ZFPM2: variants seen among roughly 807,000 people sequenced by gnomAD.
ZFPM2 encodes zinc finger protein, FOG family member 2.
ZFPM2 carries 20 observed loss-of-function variants against 98.6 expected under a neutral mutation model. The observed-to-expected ratio is 0.20, with a 90% CI of 0.14 to 0.29. The LOEUF (loss-of-function observed/expected upper bound fraction) is 0.29, where lower values mean the gene tolerates loss of function less well. ZFPM2 is among the 10% of genes least tolerant of loss of function. ZFPM2 has a pLI of 1.00. For missense variants in ZFPM2, 1,310 were observed against 1,388.6 expected (o/e 0.94, Z 0.90); for synonymous variants, 518 against 502.7 (o/e 1.03, Z -0.41).
intron 3 of ZFPM2, among the ~76,000 whole-genome samples, chr8:105,482,990 C>G (rs1813152099): frequency 1.6e-5 from 2 of 122,342 alleles, no homozygotes; most frequent in Admixed American, 1.7e-4. Flanking sequence ...TCCCTCCCCC[C>G]ATCCTTTCCT....
intron 3 of ZFPM2, among the ~76,000 whole-genome samples, chr8:105,526,838 T>C (rs1056551239): frequency 6.6e-6 from 1 of 152,206 alleles, no homozygotes; most frequent in Non-Finnish European, 1.5e-5. Context: ...TGTAAATTCA[T>C]AGCTGGGCAT....
chr8:105,544,598 T>C (rs997216697), intron 3 of ZFPM2, among the ~76,000 whole-genome samples: 4 of 152,218 alleles, frequency 2.6e-5, no homozygotes, highest in African/African-American at 9.6e-5. Flanking sequence ...TTTGATGTTC[T>C]GAAGAAAAGG....
intron 4 of ZFPM2, 79 bp downstream of exon 4, chr8:105,561,560 T>C: frequency 1.8e-6 from 2 of 1,141,576 alleles, no homozygotes; most frequent in Non-Finnish European, 2.5e-6. Context: ...TTCTCTCTGC[T>C]TGCTTTCCAA....
At chr8:105,639,877 G>A (rs1816918559) in intron 5 of ZFPM2, among the ~76,000 whole-genome samples, 1 of 152,018 alleles carries the variant, frequency 6.6e-6, no homozygotes, top group South Asian at 2.1e-4. Flanking sequence ...GAGACCTGAA[G>A]CCTGTCTGGG....
chr8:105,380,633 AT>A (rs1810833020), intron 1 of ZFPM2, among the ~76,000 whole-genome samples: 1 of 21,144 alleles, frequency 4.7e-5, no homozygotes, highest in African/African-American at 1.6e-4. Context: ...TAACATATAT[AT>A]TATATATATA....
chr8:105,355,300 C>T (rs554370909), intron 1 of ZFPM2, among the ~76,000 whole-genome samples: 1 of 152,100 alleles, frequency 6.6e-6, no homozygotes, highest in Non-Finnish European at 1.5e-5. Context: ...ATTTTTCATT[C>T]TTATTCTCCT....
intron 5 of ZFPM2, among the ~76,000 whole-genome samples, chr8:105,669,158 G>A (rs1180961321): frequency 6.6e-6 from 1 of 151,784 alleles, no homozygotes; most frequent in Admixed American, 6.6e-5. Flanking sequence ...CTAATTACTG[G>A]GAAAACTTTG....
In ZFPM2 at chr8:105,788,710, C is replaced by T. The variant is rs765378687; in HGVS notation, c.533-8C>T. 1 of 1,613,390 alleles carries T rather than the reference C, an allele frequency of 6.2e-7. No homozygotes were observed. The highest frequency in any genetic ancestry group is 8.5e-7 in the Non-Finnish European group (1 of 1,179,532). ...CAATTTTATCTTTTTCTTTTTTCTT[C>T]TTAATAGGGGGTCAGCTTTGGTGTA... On this transcript the variant is annotated splice_region_variant and splice_polypyrimidine_tract_variant and intron_variant, in intron 5 of 7. Transcript: ENST00000407775.
At chr8:105,457,621 C>T (rs1365081275) in intron 3 of ZFPM2, among the ~76,000 whole-genome samples, 1 of 152,158 alleles carries the variant, frequency 6.6e-6, no homozygotes, top group Admixed American at 6.5e-5. Flanking sequence ...TCTGGTCAAG[C>T]AATCCCAAGG....
chr8:105,435,819 A>G lies in ZFPM2; in HGVS notation c.200-8461A>G, dbSNP rs192305757. ...ATTGTGAGAAAAAAAATAGTTTCCT[A>G]AAAGTAATTCGAAGATTTCATATTT... On this transcript the variant is annotated intron_variant, in intron 2 of 7. Coordinates refer to ENST00000407775, the MANE Select transcript of ZFPM2 (RefSeq NM_012082.4). Among the ~76,000 whole-genome samples, 22 of 152,288 alleles carry G rather than the reference A, an allele frequency of 1.4e-4. No homozygotes were observed. The East Asian group carries it at 3.7e-3, about 25-fold the overall frequency.
chr8:105,531,736 C>G (rs1814301981), intron 3 of ZFPM2, among the ~76,000 whole-genome samples: 1 of 152,068 alleles, frequency 6.6e-6, no homozygotes, highest in Non-Finnish European at 1.5e-5. Context: ...CAGGATATAA[C>G]TACCTATTTT....
chr8:105,515,911 C>CTTTTTTTTTTTTTTTTTTTTTTTTTTTT (rs34183654), intron 3 of ZFPM2, among the ~76,000 whole-genome samples: 1 of 89,282 alleles, frequency 1.1e-5, no homozygotes, highest in African/African-American at 4.7e-5. Context: ...AAAACAACTT[C>CTTTTTTTTTTTTTTTTTTTTTTTTTTTT]TTTTTTTTTT....
At chr8:105,711,062 A>G (rs1287630366) in intron 5 of ZFPM2, among the ~76,000 whole-genome samples, 1 of 151,950 alleles carries the variant, frequency 6.6e-6, no homozygotes, top group East Asian at 1.9e-4. Flanking sequence ...AAGGTTTTTT[A>G]AAAGTATTCC....
intron 3 of ZFPM2, among the ~76,000 whole-genome samples, chr8:105,493,753 A>AT (rs1491306037): frequency 6.6e-6 from 1 of 152,156 alleles, no homozygotes; most frequent in African/African-American, 2.4e-5. Flanking sequence ...GTCCACTGAC[A>AT]TATCTTATGT....
At position 105,801,775 on chromosome 8, in the gene ZFPM2, G is replaced by T. The variant is rs768944942; in HGVS notation, c.1693G>T (p.Val565Leu). 4 of 1,613,764 alleles carry T rather than the reference G, an allele frequency of 2.5e-6. No homozygotes were observed. The African/African-American group carries it at 4.0e-5, about 16-fold the overall frequency. The change falls in exon 8 of 8, where the codon GTG becomes TTG. Residue 565 changes from valine to leucine, a missense_variant. Transcript: ENST00000407775. ...ATTCAATAATTTGGATAATTATCTA[G>T]TGCACAAAAAGCATTATTGCAGCAG... ...ITFNNLDNYL[V>L]HKKHYCSSRW...
intron 4 of ZFPM2, among the ~76,000 whole-genome samples, chr8:105,621,407 C>CAA (rs1443776791): frequency 6.6e-6 from 1 of 152,178 alleles, no homozygotes; most frequent in African/African-American, 2.4e-5. Context: ...AGTTGCCTAT[C>CAA]AGCTTAAGGA....
At chr8:105,476,514 C>T (rs1184254762) in intron 3 of ZFPM2, among the ~76,000 whole-genome samples, 1 of 152,034 alleles carries the variant, frequency 6.6e-6, no homozygotes, top group Non-Finnish European at 1.5e-5. Flanking sequence ...ACGAAATTTG[C>T]CAAAAAGGTT....
intron 5 of ZFPM2, among the ~76,000 whole-genome samples, chr8:105,767,121 G>T (rs1241748891): frequency 6.6e-6 from 1 of 151,900 alleles, no homozygotes; most frequent in Non-Finnish European, 1.5e-5. Flanking sequence ...TTTTAAAACA[G>T]TGGAGATGGA....
chr8:105,680,632 G>A (rs1486521419), intron 5 of ZFPM2, among the ~76,000 whole-genome samples: 1 of 152,054 alleles, frequency 6.6e-6, no homozygotes, highest in African/African-American at 2.4e-5. Flanking sequence ...GAGAAATTAT[G>A]TTCCTTTTTC....
Sources: gnomAD v4.1 joint callset for allele counts (sites outside exome capture counted in the v4.1 genomes callset) on GRCh38, gnomAD v4.1.1 for gene constraint, MANE v1.5 for transcripts, NCBI Gene and HGNC (gene_info 2026-07-23, HGNC 2026-07-21) for gene names.